Variants in USP46 observed in about 807,000 individuals in gnomAD.
USP46 encodes the protein ubiquitin carboxyl-terminal hydrolase 46.
USP46 carries 12 observed loss-of-function variants against 44.4 expected under a neutral mutation model. That is an observed-to-expected ratio of 0.27 (90% CI 0.17 to 0.44). The LOEUF (loss-of-function observed/expected upper bound fraction) is 0.44. Among genes scored for constraint, USP46 ranks in the 20% least tolerant of loss-of-function variants. The probability of loss-of-function intolerance (pLI) is 1.00; values close to 1 mark genes in which losing one functional copy is unlikely to be tolerated. For synonymous variants in USP46, 155 were observed against 161.5 expected (o/e 0.96, Z 0.31); for missense variants, 248 against 444.8 (o/e 0.56, Z 3.98).
At position 52,592,547 on chromosome 4, in the gene USP46, T is replaced by A; in HGVS notation, c.*5093A>T. 4.7e-6 allele frequency: 1 copy of A among 213,600 alleles called. No homozygotes were observed. The highest frequency in any genetic ancestry group is 9.2e-6 in the Non-Finnish European group (1 of 108,714). 13.2% of individuals were successfully genotyped at this position (213,600 alleles called of 1,614,324 possible). A position where few individuals can be genotyped will look rare whatever the true frequency, so the allele number is the denominator to read the frequency against. Reference sequence around the variant, plus strand: ...ACTGAGTTCTCACGAGATCTGGTTGTTTAAAAGTGTGTAACCCCAGCCGAG... The same window carrying A: ...ACTGAGTTCTCACGAGATCTGGTTGATTAAAAGTGTGTAACCCCAGCCGAG... On this transcript the variant is annotated 3_prime_UTR_variant, in exon 9 of 9. Coordinates refer to ENST00000441222, the MANE Select transcript of USP46 (RefSeq NM_022832.4).
intron 1 of USP46, among the ~76,000 whole-genome samples, chr4:52,646,845 CCT>C (rs1369496118): frequency 2.6e-5 from 4 of 152,168 alleles, no homozygotes; most frequent in Non-Finnish European, 5.9e-5. Context: ...CCATCTTTCC[CCT>C]GACTGGCAAA....
chr4:52,636,833 A>T (rs1385618198), intron 1 of USP46, among the ~76,000 whole-genome samples: 1 of 151,216 alleles, frequency 6.6e-6, no homozygotes, highest in Non-Finnish European at 1.5e-5. Flanking sequence ...TTTATGAGAC[A>T]GGGTCTCACT....
chr4:52,618,786 C>T (rs1717265500), intron 4 of USP46, among the ~76,000 whole-genome samples: 1 of 152,166 alleles, frequency 6.6e-6, no homozygotes, highest in African/African-American at 2.4e-5. Flanking sequence ...GAGTATCACA[C>T]CTCCCTCCAT....
At chr4:52,643,429 TTTAC>T (rs1718424613) in intron 1 of USP46, among the ~76,000 whole-genome samples, 1 of 152,226 alleles carries the variant, frequency 6.6e-6, no homozygotes, top group African/African-American at 2.4e-5. Context: ...TGATCATTCA[TTTAC>T]TTATGGCAAC....
intron 1 of USP46, among the ~76,000 whole-genome samples, chr4:52,642,526 G>A (rs1354397659): frequency 6.6e-6 from 1 of 152,198 alleles, no homozygotes; most frequent in Non-Finnish European, 1.5e-5. Context: ...AGAAACCGAA[G>A]AGGTCACAAA....
chr4:52,641,145 C>T (rs1177334362), intron 1 of USP46, among the ~76,000 whole-genome samples: 1 of 152,092 alleles, frequency 6.6e-6, no homozygotes, highest in Non-Finnish European at 1.5e-5. Context: ...TAGCACCCTG[C>T]ACAAGACACA....
chr4:52,624,191 A>G (rs1328988750), intron 4 of USP46, among the ~76,000 whole-genome samples: 1 of 152,192 alleles, frequency 6.6e-6, no homozygotes, highest in East Asian at 1.9e-4. Flanking sequence ...ATACCATACT[A>G]CTGCCTCTAC....
At chr4:52,652,577 T>C (rs1281677396) in intron 1 of USP46, among the ~76,000 whole-genome samples, 1 of 152,224 alleles carries the variant, frequency 6.6e-6, no homozygotes, top group Non-Finnish European at 1.5e-5. Flanking sequence ...TAGGATTATG[T>C]GTCTCTCAAT....
chr4:52,629,318 T>C (rs1201009835), intron 2 of USP46, among the ~76,000 whole-genome samples: 2 of 152,220 alleles, frequency 1.3e-5, no homozygotes, highest in Admixed American at 6.5e-5. Context: ...GGAACTTTCA[T>C]AAATTACCAT....
intron 1 of USP46, among the ~76,000 whole-genome samples, chr4:52,638,202 G>C (rs1718185810): frequency 6.6e-6 from 1 of 152,144 alleles, no homozygotes; most frequent in Non-Finnish European, 1.5e-5. Context: ...TTCAAGAGAG[G>C]GAGGCAAGAA....
At position 52,658,144 on chromosome 4, in the gene USP46, A is replaced by C. The variant is rs548659666; in HGVS notation, c.36+971T>G. ...AGAGGGGAGGCGGGGTGCAGTCTAAAGAATGTAGGCAAAACACACATCATC... is the reference window on the plus strand; with the variant it reads ...AGAGGGGAGGCGGGGTGCAGTCTAACGAATGTAGGCAAAACACACATCATC... On this transcript the variant is annotated intron_variant, in intron 1 of 8. Coordinates refer to ENST00000441222, the MANE Select transcript of USP46 (RefSeq NM_022832.4). 1.8e-5 allele frequency: 8 copies of C among 451,878 alleles called. No individual in the cohort carries two copies. In the East Asian group the frequency reaches 4.2e-4, roughly 24 times the overall value. 28.0% of individuals were successfully genotyped at this position (451,878 alleles called of 1,614,324 possible).
chr4:52,632,998 GAAAGAAAGAAA>G (rs1717967079), intron 1 of USP46, among the ~76,000 whole-genome samples: 7 of 112,580 alleles, frequency 6.2e-5, no homozygotes, highest in African/African-American at 2.6e-4. Flanking sequence ...AGAAAAGAAA[GAAAGAAAGAAA>G]GAAAGAAAGA....
At chr4:52,634,440 C>T (rs1245305466) in intron 1 of USP46, among the ~76,000 whole-genome samples, 6 of 140,094 alleles carry the variant, frequency 4.3e-5, no homozygotes, top group African/African-American at 1.1e-4. Context: ...ACCCAGGAGG[C>T]GGAGGTTGCA....
Position 52,593,077 on chromosome 4 carries a change from A to G in USP46, c.*4563T>C, listed in dbSNP as rs1452495276. 1 of 397,098 alleles carries G rather than the reference A, an allele frequency of 2.5e-6. No homozygotes were observed. Among genetic ancestry groups the G allele is most frequent in the African/African-American group, 2.1e-5 (1 of 48,620 alleles). The allele number at this position is 397,098 out of a possible 1,614,324, so 24.6% of individuals were successfully genotyped here. A position where few individuals can be genotyped will look rare whatever the true frequency, so the allele number is the denominator to read the frequency against. ...TAGCACTGCCAGAATGGACAAATAC[A>G]ACGACTTAGTAAGTATTTTTATCTT... On this transcript the variant is annotated 3_prime_UTR_variant, in exon 9 of 9. Transcript: ENST00000441222.
At chr4:52,646,226 T>C (rs1182188983) in intron 1 of USP46, among the ~76,000 whole-genome samples, 2 of 152,170 alleles carry the variant, frequency 1.3e-5, no homozygotes, top group Non-Finnish European at 2.9e-5. Context: ...CCTTACAGCA[T>C]GGGGAGCACT....
intron 7 of USP46, among the ~76,000 whole-genome samples, chr4:52,600,125 T>C (rs1716409127): frequency 6.6e-6 from 1 of 152,198 alleles, no homozygotes; most frequent in South Asian, 2.1e-4. Context: ...GGTGTGTTTA[T>C]TTGTTCATTA....
Position 52,626,135 on chromosome 4 carries a change from T to C in USP46, c.444A>G (p.Lys148=), listed in dbSNP as rs779001438. 13 of 1,613,820 alleles carry C rather than the reference T, an allele frequency of 8.1e-6. No homozygotes were observed. The South Asian group carries it at 1.1e-4, about 14-fold the overall frequency. Reference sequence around the variant, plus strand: ...GTTCGTTCATGTTGCCATTTTTTAATTTTCCATTTTGTTTTTCCTGTTTCT... The same window carrying C: ...GTTCGTTCATGTTGCCATTTTTTAACTTTCCATTTTGTTTTTCCTGTTTCT... The part of the protein sequence containing the change: ...EEKKQEKQNG[K]LKNGNMNEPA... Residue 148 remains lysine (K), a synonymous_variant, in exon 4 of 9, where the codon AAA becomes AAG. Coordinates refer to ENST00000441222, the MANE Select transcript of USP46 (RefSeq NM_022832.4).
rs186389036 is a variant in USP46 at position 52,621,249 on chromosome 4, T to C, written c.561+4769A>G. ...TTCAAGCCAATCTCAGCAATAAATA[T>C]AGTGGCAAAAAAATCCTAAAAATCG... On this transcript the variant is annotated intron_variant, in intron 4 of 8. Coordinates refer to ENST00000441222, the MANE Select transcript of USP46 (RefSeq NM_022832.4). Among the ~76,000 whole-genome samples the C allele has an allele frequency of 1.6e-4, 24 of 152,210 alleles. No individual in the cohort carries two copies. The East Asian group carries it at 4.6e-3, about 29-fold the overall frequency.
At chr4:52,622,809 G>A (rs2109624300) in intron 4 of USP46, among the ~76,000 whole-genome samples, 1 of 152,346 alleles carries the variant, frequency 6.6e-6, no homozygotes, top group African/African-American at 2.4e-5. Context: ...GGCAGGTGGT[G>A]TGCATTCCAG....
Sources: gnomAD v4.1 joint callset for allele counts (sites outside exome capture counted in the v4.1 genomes callset) on GRCh38, gnomAD v4.1.1 for gene constraint, MANE v1.5 for transcripts, NCBI Gene and HGNC (gene_info 2026-07-23, HGNC 2026-07-21) for gene names.